Variants in GCNT1 observed in about 807,000 individuals in gnomAD.
The protein encoded by GCNT1 is beta-1,3-galactosyl-O-glycosyl-glycoprotein beta-1,6-N-acetylglucosaminyltransferase.
Under a neutral mutation model 26.2 loss-of-function variants are expected in GCNT1, and 16 were observed. That is an observed-to-expected ratio of 0.61 (90% CI 0.41 to 0.93). The LOEUF is 0.93. Ranked by LOEUF, GCNT1 falls within the 40% of genes least tolerant of loss-of-function variation. The probability of loss-of-function intolerance (pLI) is 0.00; values close to 1 mark genes in which losing one functional copy is unlikely to be tolerated. For missense variants in GCNT1, 477 were observed against 526.7 expected (o/e 0.91, Z 0.92); for synonymous variants, 183 against 190.8 (o/e 0.96, Z 0.34).
chr9:76,447,269 T>A (rs1339347267), intron 1 of GCNT1, among the ~76,000 whole-genome samples: 1 of 151,232 alleles, frequency 6.6e-6, no homozygotes, highest in Non-Finnish European at 1.5e-5. Context: ...TGGAGACAGA[T>A]CTCACTCTCA....
At chr9:76,460,483 A>G (rs1323169948) in intron 2 of GCNT1, among the ~76,000 whole-genome samples, 1 of 152,160 alleles carries the variant, frequency 6.6e-6, no homozygotes, top group African/African-American at 2.4e-5. Flanking sequence ...TTTGTTTTAT[A>G]GAGGGGAGGA....
intron 2 of GCNT1, among the ~76,000 whole-genome samples, chr9:76,477,299 G>C (rs555982284): frequency 3.4e-4 from 52 of 151,838 alleles, no homozygotes; most frequent in African/African-American, 1.2e-3. Context: ...AGGCCGAGGC[G>C]GGTGGATCAC....
the GCNT1 span, among the ~76,000 whole-genome samples, chr9:76,402,645 G>T: frequency 2.6e-5 from 4 of 151,834 alleles, no homozygotes; most frequent in Non-Finnish European, 5.9e-5. Context: ...ATATGCAGCT[G>T]CCTCATAATA....
At chr9:76,437,934 G>C (rs1394324711), upstream of GCNT1, among the ~76,000 whole-genome samples, 2 of 152,230 alleles carry the variant, frequency 1.3e-5, no homozygotes, top group South Asian at 2.1e-4. Context: ...TCTTTTGATT[G>C]TATCTATTTT....
intron 1 of GCNT1, among the ~76,000 whole-genome samples, chr9:76,443,994 A>AAGGAAGGAAGGAAG (rs1823530360): frequency 6.9e-6 from 1 of 145,570 alleles, no homozygotes; most frequent in South Asian, 2.3e-4. Context: ...AGGAAGGAAG[A>AAGGAAGGAAGGAAG]AAAAAAGAGC....
intron 1 of GCNT1, among the ~76,000 whole-genome samples, chr9:76,449,971 C>A (rs1345201905): frequency 6.6e-6 from 1 of 152,062 alleles, no homozygotes; most frequent in Non-Finnish European, 1.5e-5. Context: ...CAGGTTTTCG[C>A]CGTTTTGGCC....
intron 2 of GCNT1, among the ~76,000 whole-genome samples, chr9:76,461,403 C>T (rs1488347299): frequency 6.6e-6 from 1 of 151,512 alleles, no homozygotes; most frequent in Non-Finnish European, 1.5e-5. Context: ...CCAGCCTGGC[C>T]AAGATGGTGT....
intron 1 of GCNT1, among the ~76,000 whole-genome samples, chr9:76,448,167 C>A (rs1347517066): frequency 2.0e-5 from 3 of 152,154 alleles, no homozygotes; most frequent in Admixed American, 2.0e-4. Context: ...TATATATACA[C>A]ACAGCCAGGC....
chr9:76,435,951 CTTTTTTTTT>C (rs398046579), intron 1 of GCNT1, among the ~76,000 whole-genome samples: 2 of 111,990 alleles, frequency 1.8e-5, no homozygotes, highest in African/African-American at 6.7e-5. Context: ...GTTCCCATAT[CTTTTTTTTT>C]TTTTTTTTTT....
At position 76,505,014 on chromosome 9, in the gene GCNT1, C is replaced by T; in HGVS notation, c.*1346C>T. 7.3e-6 allele frequency: 3 copies of T among 413,164 alleles called. No homozygotes were observed. Among genetic ancestry groups the T allele is most frequent in the Non-Finnish European group, 1.3e-5 (3 of 226,106 alleles). 25.6% of individuals were successfully genotyped at this position (413,164 alleles called of 1,614,324 possible). A position where few individuals can be genotyped will look rare whatever the true frequency, so the allele number is the denominator to read the frequency against. The stretch of plus-strand genomic sequence containing the variant: ...TTGGGGTTGCTATAATGCTGTCACA[C>T]ATCTCAAAGTACATTCAAATCTTAA... On this transcript the variant is annotated 3_prime_UTR_variant, in exon 4 of 4. Transcript: ENST00000376730.
chr9:76,495,351 C>T (rs952869460), intron 2 of GCNT1, among the ~76,000 whole-genome samples: 3 of 152,080 alleles, frequency 2.0e-5, no homozygotes, highest in East Asian at 1.9e-4. Flanking sequence ...TGAGTGAAGC[C>T]GCAGACCTTT....
upstream of GCNT1, among the ~76,000 whole-genome samples, chr9:76,439,237 T>C (rs1008046519): frequency 1.3e-4 from 19 of 147,550 alleles, no homozygotes; most frequent in African/African-American, 4.2e-4. Context: ...TTTTTTTTTT[T>C]TTTTTTTGAG....
At chr9:76,479,763 C>T (rs1207554084) in intron 2 of GCNT1, among the ~76,000 whole-genome samples, 1 of 152,166 alleles carries the variant, frequency 6.6e-6, no homozygotes, top group African/African-American at 2.4e-5. Context: ...AGCCGTTTGT[C>T]AGATGAGTAG....
At chr9:76,459,618 G>T (rs559162421) in intron 1 of GCNT1, among the ~76,000 whole-genome samples, 135 of 152,324 alleles carry the variant, frequency 8.9e-4, no homozygotes, top group African/African-American at 2.9e-3. Context: ...GGCTGCGGGC[G>T]TGGATAGGCA....
In GCNT1 at chr9:76,444,434, A is replaced by C. The variant is rs1358306792; in HGVS notation, c.-290+2119A>C. Among the ~76,000 whole-genome samples, 4 of 152,174 alleles carry C rather than the reference A, an allele frequency of 2.6e-5. No homozygotes were observed. The East Asian group carries it at 7.7e-4, about 29-fold the overall frequency. On this transcript the variant is annotated intron_variant, in intron 1 of 2. Coordinates refer to the GCNT1 transcript ENST00000442371. ...GCCTGGGGGAAGAGGAGGAAACTGA[A>C]GGCTGACAAAGAGTGACGAGAACAA...
chr9:76,417,326 C>T (rs1823141825), upstream of GCNT1, among the ~76,000 whole-genome samples: 1 of 151,998 alleles, frequency 6.6e-6, no homozygotes, highest in South Asian at 2.1e-4. Context: ...CTTTTTTTAC[C>T]CACCTGAGTA....
intron 2 of GCNT1, among the ~76,000 whole-genome samples, chr9:76,481,152 G>A (rs1824411759): frequency 6.6e-6 from 1 of 152,088 alleles, no homozygotes; most frequent in South Asian, 2.1e-4. Context: ...GTTGCAGTAA[G>A]CTGGGATTGT....
chr9:76,500,130 A>G (rs2131641796), intron 2 of GCNT1, among the ~76,000 whole-genome samples: 1 of 147,090 alleles, frequency 6.8e-6, no homozygotes, highest in South Asian at 2.2e-4. Context: ...GTTTCTTTGC[A>G]TGCCTTGTAA....
At chr9:76,485,677 A>G (rs528526609) in intron 2 of GCNT1, among the ~76,000 whole-genome samples, 1 of 151,582 alleles carries the variant, frequency 6.6e-6, no homozygotes, top group South Asian at 2.1e-4. Flanking sequence ...TTGTAATCCT[A>G]GGATTTCTGT....
Sources: gnomAD v4.1 joint callset for allele counts (sites outside exome capture counted in the v4.1 genomes callset) on GRCh38, gnomAD v4.1.1 for gene constraint, MANE v1.5 for transcripts, NCBI Gene and HGNC (gene_info 2026-07-23, HGNC 2026-07-21) for gene names.